RAPGEF4: variants seen among roughly 807,000 people sequenced by gnomAD.
RAPGEF4 encodes the protein Rap guanine nucleotide exchange factor 4.
RAPGEF4 carries 66 observed loss-of-function variants against 147.9 expected under a neutral mutation model. The ratio of observed to expected loss-of-function variants is 0.45; its 90% CI spans 0.37 to 0.55. The LOEUF (loss-of-function observed/expected upper bound fraction) is 0.55, where lower values mean the gene tolerates loss of function less well. Ranked by LOEUF, RAPGEF4 falls within the 20% of genes least tolerant of loss-of-function variation. The probability of loss-of-function intolerance (pLI) is 0.00; values close to 1 mark genes in which losing one functional copy is unlikely to be tolerated. For synonymous variants in RAPGEF4, 419 were observed against 442.7 expected (o/e 0.95, Z 0.67); for missense variants, 1,071 against 1,257.3 (o/e 0.85, Z 2.24).
At chr2:172,941,748 C>A (rs1467539084) in intron 6 of RAPGEF4, among the ~76,000 whole-genome samples, 2 of 152,110 alleles carry the variant, frequency 1.3e-5, no homozygotes, top group Non-Finnish European at 2.9e-5. Flanking sequence ...CTGGCCCTGC[C>A]ACTTCTTAGC....
chr2:172,785,847 G>C (rs1039686839), intron 1 of RAPGEF4, among the ~76,000 whole-genome samples: 1 of 152,016 alleles, frequency 6.6e-6, no homozygotes, highest in African/African-American at 2.4e-5. Flanking sequence ...TGTGTGTTGG[G>C]TGTTGGAATC....
chr2:172,990,035 G>GA (rs558614670), intron 14 of RAPGEF4, among the ~76,000 whole-genome samples: 5 of 137,182 alleles, frequency 3.6e-5, no homozygotes, highest in East Asian at 2.2e-4. Context: ...AAAAAGAAAA[G>GA]AAAAAAAAAG....
At chr2:172,828,534 G>C (rs1357891383) in intron 4 of RAPGEF4, among the ~76,000 whole-genome samples, 1 of 152,156 alleles carries the variant, frequency 6.6e-6, no homozygotes, top group Admixed American at 6.5e-5. Context: ...GCTCCTAGCT[G>C]TGTGCTTGCT....
intron 26 of RAPGEF4, among the ~76,000 whole-genome samples, chr2:173,031,964 G>A (rs1697233237): frequency 6.6e-6 from 1 of 152,094 alleles, no homozygotes; most frequent in African/African-American, 2.4e-5. Context: ...GCACCACAGT[G>A]ACCACAAGAG....
chr2:172,999,745 A>C (rs1381012880), intron 16 of RAPGEF4, among the ~76,000 whole-genome samples: 2 of 152,204 alleles, frequency 1.3e-5, no homozygotes, highest in African/African-American at 4.8e-5. Context: ...CATGATTCTC[A>C]TTTAAATATA....
intron 4 of RAPGEF4, among the ~76,000 whole-genome samples, chr2:172,909,364 A>G (rs141216236): frequency 6.6e-6 from 1 of 152,266 alleles, no homozygotes; most frequent in East Asian, 1.9e-4. Context: ...TCACCTGACT[A>G]TTGATTTATC....
chr2:172,821,628 A>G (rs1455405783), intron 4 of RAPGEF4: 3 of 1,007,292 alleles, frequency 3.0e-6, no homozygotes, highest in African/African-American at 1.8e-5. Flanking sequence ...ACTTGGACTT[A>G]TGTCTGCACC....
intron 4 of RAPGEF4, among the ~76,000 whole-genome samples, chr2:172,857,786 G>A (rs755392252): frequency 1.3e-5 from 2 of 151,638 alleles, no homozygotes; most frequent in Non-Finnish European, 2.9e-5. Flanking sequence ...AGACTGAGGT[G>A]GCGAAGATCA....
rs756644173 is a variant in RAPGEF4, at chr2:173,018,734, T to G, written c.2087T>G (p.Ile696Ser). ...VPVATSVKEV[I>S]SAVADKLGSG... The stretch of plus-strand genomic sequence containing the variant: ...GTGGCCACTTCGGTGAAGGAAGTCA[T>G]CAGTGCAGTTGCCGACAAGCTGGGC... The change falls in exon 22 of 31, where the codon ATC becomes AGC. Residue 696 changes from isoleucine to serine, a missense_variant. Transcript: ENST00000397081. 2.5e-6 allele frequency: 4 copies of G among 1,614,126 alleles called. No homozygotes were observed. The highest frequency in any genetic ancestry group is 3.4e-6 in the Non-Finnish European group (4 of 1,180,014).
chr2:172,763,697 A>C (rs1245061714), intron 1 of RAPGEF4, among the ~76,000 whole-genome samples: 1 of 152,218 alleles, frequency 6.6e-6, no homozygotes, highest in African/African-American at 2.4e-5. Context: ...GGATTAGGAA[A>C]AAATGACCTG....
At chr2:172,956,108 C>T (rs1227544874) in intron 6 of RAPGEF4, among the ~76,000 whole-genome samples, 2 of 152,160 alleles carry the variant, frequency 1.3e-5, no homozygotes, top group Middle Eastern at 3.2e-3. Context: ...GCAGTGGCCC[C>T]GAGGCATCTC....
chr2:173,016,661 A>G (rs549896950), intron 19 of RAPGEF4, among the ~76,000 whole-genome samples: 2 of 152,308 alleles, frequency 1.3e-5, no homozygotes, highest in Admixed American at 1.3e-4. Flanking sequence ...ATAGCCTGGG[A>G]AAGAAAAGAT....
chr2:173,034,808 G>A (rs1483565664), intron 27 of RAPGEF4, among the ~76,000 whole-genome samples: 1 of 151,630 alleles, frequency 6.6e-6, no homozygotes, highest in Admixed American at 6.6e-5. Context: ...AGGAGGTGGC[G>A]GCTACAGTGA....
chr2:173,043,778 C>T (rs548312001), intron 29 of RAPGEF4, among the ~76,000 whole-genome samples: 14 of 152,190 alleles, frequency 9.2e-5, no homozygotes, highest in Admixed American at 9.2e-4. Context: ...GACACCTCAG[C>T]GGACTCAAGG....
At chr2:172,997,714 T>C (rs948065201) in intron 16 of RAPGEF4, among the ~76,000 whole-genome samples, 3 of 152,174 alleles carry the variant, frequency 2.0e-5, no homozygotes, top group Non-Finnish European at 4.4e-5. Flanking sequence ...TTTAAGCACA[T>C]TGAGCTCCAT....
chr2:172,756,765 T>C (rs1224723420), intron 1 of RAPGEF4, among the ~76,000 whole-genome samples: 2 of 152,208 alleles, frequency 1.3e-5, no homozygotes, highest in African/African-American at 2.4e-5. Context: ...GCTAACGTGT[T>C]AAAGAGTTTA....
At chr2:172,770,228 G>T (rs79042160) in intron 1 of RAPGEF4, among the ~76,000 whole-genome samples, 3 of 152,306 alleles carry the variant, frequency 2.0e-5, no homozygotes, top group African/African-American at 7.2e-5. Context: ...TGTTTGAAGT[G>T]GACCCCGATT....
Position 172,843,985 on chromosome 2 carries a change from C to G in RAPGEF4, c.444+29560C>G, listed in dbSNP as rs186550707. 1.9e-4 allele frequency among the ~76,000 whole-genome samples: 29 copies of G among 152,266 alleles called. 1 individual carries two copies. In the South Asian group the frequency reaches 6.0e-3, roughly 32 times the overall value. ...CTCTGACAGGTGCTGGTATTTTTGC[C>G]GTTAAATTGCAAATCCTTTGAAGGC... On this transcript the variant is annotated intron_variant, in intron 4 of 30. Transcript: ENST00000397081.
chr2:172,946,204 T>A (rs1687663222), intron 6 of RAPGEF4, among the ~76,000 whole-genome samples: 1 of 152,136 alleles, frequency 6.6e-6, no homozygotes, highest in Admixed American at 6.6e-5. Flanking sequence ...GATACAAAAT[T>A]TTATATAAAG....
Sources: allele counts gnomAD v4.1 joint callset (sites outside exome capture counted in the v4.1 genomes callset), GRCh38; gene constraint gnomAD v4.1.1; transcripts MANE v1.5; gene names NCBI Gene and HGNC (gene_info 2026-07-23, HGNC 2026-07-21).